CAMK1D: variants seen among roughly 807,000 people sequenced by gnomAD.
CAMK1D encodes the protein calcium/calmodulin dependent protein kinase ID.
In CAMK1D, 9 loss-of-function variants were observed where a neutral mutation model predicts 47.7. The observed-to-expected ratio is 0.19, with a 90% CI of 0.11 to 0.33. CAMK1D has a LOEUF of 0.33. Among genes scored for constraint, CAMK1D ranks in the 10% least tolerant of loss-of-function variants. The pLI, the probability that CAMK1D is intolerant of heterozygous loss-of-function variation, is 1.00. For synonymous variants in CAMK1D, 184 were observed against 184.9 expected, an observed-to-expected ratio of 0.99 and a Z score of 0.04; for missense variants, 291 against 488.7, an observed-to-expected ratio of 0.60 and a Z score of 3.81.
intron 3 of CAMK1D, among the ~76,000 whole-genome samples, chr10:12,668,000 G>A (rs1840486307): frequency 6.6e-6 from 1 of 152,168 alleles, no homozygotes; most frequent in East Asian, 1.9e-4. Context: ...CAGTTTTAGA[G>A]ATTTGTATGT....
At chr10:12,563,667 G>A (rs967872159) in intron 2 of CAMK1D, among the ~76,000 whole-genome samples, 1 of 123,680 alleles carries the variant, frequency 8.1e-6, no homozygotes, top group Non-Finnish European at 1.7e-5. Flanking sequence ...GAAGGTTTGA[G>A]AGAGAGAGAG....
At chr10:12,527,040 C>T (rs1001272809) in intron 1 of CAMK1D, among the ~76,000 whole-genome samples, 5 of 151,898 alleles carry the variant, frequency 3.3e-5, no homozygotes. Flanking sequence ...AAAAATAAAT[C>T]AAATCTCCCT....
intron 3 of CAMK1D, among the ~76,000 whole-genome samples, chr10:12,720,304 G>C (rs723211): frequency 2.0e-5 from 3 of 151,946 alleles, no homozygotes; most frequent in African/African-American, 4.8e-5. Context: ...TGGGGTATCA[G>C]TGAGAGAAGA....
At chr10:12,620,186 CAAAAAAAAAAAAAAAAAAAAA>C (rs56027797) in intron 2 of CAMK1D, among the ~76,000 whole-genome samples, 1 of 86,590 alleles carries the variant, frequency 1.2e-5, no homozygotes, top group Non-Finnish European at 2.1e-5. Context: ...GACTCCGTCT[CAAAAAAAAAAAAAAAAAAAAA>C]AAAAAAAAAA....
At chr10:12,550,057 A>T (rs1168877367) in intron 1 of CAMK1D, among the ~76,000 whole-genome samples, 1 of 152,150 alleles carries the variant, frequency 6.6e-6, no homozygotes, top group Non-Finnish European at 1.5e-5. Flanking sequence ...GCACCTGTGG[A>T]TGGAGAGTGG....
In CAMK1D at chr10:12,745,181, C is replaced by A. The variant is rs183751616; in HGVS notation, c.300-15767C>A. On this transcript the variant is annotated intron_variant, in intron 3 of 10. Coordinates refer to ENST00000619168, the MANE Select transcript of CAMK1D (RefSeq NM_153498.4). Reference sequence around the variant, plus strand: ...GAGTAGCTGGGACTACAGGCACCCACCACCACGCCCAGCCAATTTTTTGTA... The same window carrying A: ...GAGTAGCTGGGACTACAGGCACCCAACACCACGCCCAGCCAATTTTTTGTA... Among the ~76,000 whole-genome samples the A allele has an allele frequency of 8.8e-3, 1,337 of 152,310 alleles. 11 individuals are homozygous for A. The highest frequency in any genetic ancestry group is 0.013 in the Non-Finnish European group (917 of 68,038).
intron 1 of CAMK1D, among the ~76,000 whole-genome samples, chr10:12,529,170 T>A (rs1056604412): frequency 6.6e-6 from 1 of 152,050 alleles, no homozygotes; most frequent in Non-Finnish European, 1.5e-5. Context: ...ATAGCTGCAT[T>A]TGTAAGGCAC....
chr10:12,408,661 G>A (rs1839536673), intron 1 of CAMK1D, among the ~76,000 whole-genome samples: 1 of 152,092 alleles, frequency 6.6e-6, no homozygotes, highest in Non-Finnish European at 1.5e-5. Flanking sequence ...GGCCAGCGGA[G>A]GTGTGGGAAA....
In CAMK1D at chr10:12,749,457, A is replaced by AG. The variant is rs1385970561; in HGVS notation, c.300-11491_300-11490insG. 7.3e-5 allele frequency among the ~76,000 whole-genome samples: 11 copies of AG among 151,492 alleles called. No individual in the cohort carries two copies. In the East Asian group the frequency reaches 1.3e-3, roughly 19 times the overall value. On this transcript the variant is annotated intron_variant, in intron 3 of 10. Transcript: ENST00000619168. ...TGCTAGAAAGTTAAAAAAAAAAAAA[A>AG]AAAAAAAGAAATCCATTGTAAGAAT... is the stretch of plus-strand genomic sequence containing the variant.
rs557968568 is a variant in CAMK1D at position 12,516,399 on chromosome 10, G to A, written c.93-36826G>A. Among the ~76,000 whole-genome samples the A allele has an allele frequency of 9.3e-4, 142 of 152,290 alleles. No homozygotes were observed. In the Middle Eastern group the frequency reaches 0.01, roughly 11 times the overall value. On this transcript the variant is annotated intron_variant, in intron 1 of 10. Transcript: ENST00000619168. ...TGGGATTACAGGCGTGAGCCACCGC[G>A]CCCAGCCTCCAGTTTTAATGATTTT... is the stretch of plus-strand genomic sequence containing the variant.
In CAMK1D at chr10:12,520,831, A is replaced by G. The variant is rs1161463959; in HGVS notation, c.93-32394A>G. Among the ~76,000 whole-genome samples, 3 of 50,760 alleles carry G rather than the reference A, an allele frequency of 5.9e-5. 1 individual carries two copies. The highest frequency in any genetic ancestry group is 1.2e-4 in the Non-Finnish European group (3 of 25,530). 33.3% of individuals were successfully genotyped at this position (50,760 alleles called of 152,430 possible). A position where few individuals can be genotyped will look rare whatever the true frequency, so the allele number is the denominator to read the frequency against. ...GCAATCGCAGGCACTCGGCAGGCTG[A>G]GGCAGGAGAATCAGGCAGGGAGGTT... is the stretch of plus-strand genomic sequence containing the variant. On this transcript the variant is annotated intron_variant, in intron 1 of 10. Transcript: ENST00000619168.
chr10:12,604,830 G>A (rs1838402328), intron 2 of CAMK1D, among the ~76,000 whole-genome samples: 1 of 152,074 alleles, frequency 6.6e-6, no homozygotes, highest in Non-Finnish European at 1.5e-5. Flanking sequence ...CCCTTTTCCT[G>A]GAGACTAGTG....
intron 1 of CAMK1D, among the ~76,000 whole-genome samples, chr10:12,552,408 C>T (rs981991864): frequency 2.6e-5 from 4 of 152,214 alleles, no homozygotes; most frequent in African/African-American, 9.7e-5. Context: ...ATACCGCTCA[C>T]ACCCAGTCCT....
At chr10:12,720,823 G>A (rs1424668312) in intron 3 of CAMK1D, among the ~76,000 whole-genome samples, 1 of 152,212 alleles carries the variant, frequency 6.6e-6, no homozygotes, top group Admixed American at 6.5e-5. Context: ...GAAGCCTGTT[G>A]TGTGCCTTGT....
chr10:12,412,559 G>A (rs1473640172), intron 1 of CAMK1D, among the ~76,000 whole-genome samples: 2 of 150,702 alleles, frequency 1.3e-5, no homozygotes, highest in African/African-American at 4.9e-5. Context: ...GGAGGCGGAG[G>A]TTGCAGTGAG....
chr10:12,398,615 C>T (rs1328357960), intron 1 of CAMK1D, among the ~76,000 whole-genome samples: 1 of 152,188 alleles, frequency 6.6e-6, no homozygotes, highest in Non-Finnish European at 1.5e-5. Context: ...TCCCAAAGTG[C>T]TAGGATTACG....
chr10:12,723,227 A>G (rs1453702668), intron 3 of CAMK1D, among the ~76,000 whole-genome samples: 1 of 152,188 alleles, frequency 6.6e-6, no homozygotes, highest in African/African-American at 2.4e-5. Context: ...GTTTGGGAGA[A>G]TTGAGATTTA....
intron 3 of CAMK1D, among the ~76,000 whole-genome samples, chr10:12,674,427 C>T (rs148114655): frequency 0.016 from 2,390 of 152,198 alleles, 25 homozygotes; most frequent in African/African-American, 0.024. Context: ...GAAACAGCAT[C>T]GTGGGCACTG....
intron 1 of CAMK1D, among the ~76,000 whole-genome samples, chr10:12,401,777 A>C (rs189408530): frequency 1.2e-3 from 175 of 152,142 alleles, no homozygotes; most frequent in African/African-American, 4.0e-3. Flanking sequence ...GTCCTGAGAC[A>C]CAGAGGATGG....
Sources: allele counts gnomAD v4.1 joint callset (sites outside exome capture counted in the v4.1 genomes callset), GRCh38; gene constraint gnomAD v4.1.1; transcripts MANE v1.5; gene names NCBI Gene and HGNC (gene_info 2026-07-23, HGNC 2026-07-21).